TBC1D2: variants seen among roughly 807,000 people sequenced by gnomAD.
TBC1D2 encodes the protein TBC1 domain family member 2A.
TBC1D2 carries 58 observed loss-of-function variants against 91.1 expected under a neutral mutation model. The observed-to-expected ratio is 0.64, with a 90% CI of 0.52 to 0.79. The LOEUF (loss-of-function observed/expected upper bound fraction) is 0.79. TBC1D2 is among the 30% of genes least tolerant of loss of function. TBC1D2 has a pLI of 0.00. For missense variants in TBC1D2, 1,080 were observed against 1,208.3 expected, an observed-to-expected ratio of 0.89 and a Z score of 1.57; for synonymous variants, 482 against 511.5, an observed-to-expected ratio of 0.94 and a Z score of 0.78.
intron 3 of TBC1D2, among the ~76,000 whole-genome samples, chr9:98,242,167 C>T (rs753503579): frequency 2.0e-5 from 3 of 152,084 alleles, no homozygotes; most frequent in Non-Finnish European, 4.4e-5. Flanking sequence ...CCAGGCTGGG[C>T]GTGGTGGCTC....
In TBC1D2 at chr9:98,213,374, A is replaced by G. The variant is rs911075333; in HGVS notation, c.1375-156T>C. 6.2e-6 allele frequency: 9 copies of G among 1,449,834 alleles called. No homozygotes were observed. The African/African-American group carries it at 1.0e-4, about 16-fold the overall frequency. 89.8% of individuals were successfully genotyped at this position (1,449,834 alleles called of 1,614,324 possible). A position where few individuals can be genotyped will look rare whatever the true frequency, so the allele number is the denominator to read the frequency against. On this transcript the variant is annotated intron_variant, in intron 6 of 12. Transcript: ENST00000465784. ...AGTCTGAAAGAAAAATAAAATACTC[A>G]TAGCACCCTTCTCTATTCTTGATGT... is the stretch of plus-strand genomic sequence containing the variant.
chr9:98,228,599 C>T lies in TBC1D2; in HGVS notation c.978+353G>A, dbSNP rs1829289968. The stretch of plus-strand genomic sequence containing the variant: ...TGCCAGGTCAAAGTTCCCCCCAGTT[C>T]TATCGACAGCCCCTCCCATGACCCT... On this transcript the variant is annotated intron_variant, in intron 5 of 12. Transcript: ENST00000465784. The surrounding 1 kb of genome is among the most constrained non-coding windows in gnomAD (Gnocchi z 4.0). Among the ~76,000 whole-genome samples the T allele has an allele frequency of 6.6e-6, 1 of 152,172 alleles. No homozygotes were observed. The highest frequency in any genetic ancestry group is 1.5e-5 in the Non-Finnish European group (1 of 68,032).
At chr9:98,241,105 A>G (rs549431221) in intron 3 of TBC1D2, among the ~76,000 whole-genome samples, 4 of 152,312 alleles carry the variant, frequency 2.6e-5, no homozygotes, top group South Asian at 2.1e-4. Flanking sequence ...GTGAAACACT[A>G]TGATGCATTC....
In TBC1D2 at chr9:98,228,627, A is replaced by G. The variant is rs1442467959; in HGVS notation, c.978+325T>C. On this transcript the variant is annotated intron_variant, in intron 5 of 12. Coordinates refer to ENST00000465784, the MANE Select transcript of TBC1D2 (RefSeq NM_001267571.2). This position sits in a 1 kb window ranked among gnomAD's most constrained non-coding sequence, Gnocchi z 4.0. ...TCGACAGCCCCTCCCATGACCCTGC[A>G]TCCAGATCACCTGCCTCTAAATAAT... Among the ~76,000 whole-genome samples the G allele has an allele frequency of 6.6e-6, 1 of 152,106 alleles. No homozygotes were observed. Among genetic ancestry groups the G allele is most frequent in the African/African-American group, 2.4e-5 (1 of 41,424 alleles).
Position 98,210,802 on chromosome 9 carries a change from C to G in TBC1D2, c.1527G>C (p.Lys509Asn). Reference protein sequence around the residue: ...LQARNCQVESKYLAGLRRLQE... With the variant: ...LQARNCQVESNYLAGLRRLQE... ...GCAGCCTTCTCAGACCGGCCAGGTA[C>G]TTGCTTTCCACCTGGCAGTTTCTGG... The change falls in exon 8 of 13, where the codon AAG becomes AAC. Residue 509 changes from lysine to asparagine, a missense_variant. Lys to Asn is a moderately conservative substitution (Grantham distance 94). Transcript: ENST00000465784. 1 of 1,553,298 alleles carries G rather than the reference C, an allele frequency of 6.4e-7. No homozygotes were observed. Among genetic ancestry groups the G allele is most frequent in the Non-Finnish European group, 8.7e-7 (1 of 1,147,868 alleles).
intron 6 of TBC1D2, among the ~76,000 whole-genome samples, chr9:98,216,376 C>G (rs1380096704): frequency 6.6e-6 from 1 of 152,168 alleles, no homozygotes; most frequent in East Asian, 1.9e-4. Context: ...ACAACAAGCC[C>G]CCCCGCAAGG....
intron 8 of TBC1D2, among the ~76,000 whole-genome samples, chr9:98,209,827 C>T (rs928357118): frequency 7.0e-6 from 1 of 142,048 alleles, no homozygotes; most frequent in African/African-American, 2.7e-5. Flanking sequence ...TCCCTTCCCC[C>T]CTTCCTTTCT....
In TBC1D2 at chr9:98,221,253, T is replaced by C. The variant is rs1456464327; in HGVS notation, c.979-25A>G. 5 of 1,513,612 alleles carry C rather than the reference T, an allele frequency of 3.3e-6. No homozygotes were observed. In the Admixed American group the frequency reaches 1.0e-4, roughly 31 times the overall value. 93.8% of individuals were successfully genotyped at this position (1,513,612 alleles called of 1,614,324 possible). A position where few individuals can be genotyped will look rare whatever the true frequency, so the allele number is the denominator to read the frequency against. On this transcript the variant is annotated intron_variant, in intron 5 of 12. Coordinates refer to ENST00000465784, the MANE Select transcript of TBC1D2 (RefSeq NM_001267571.2). ...CCTGGGCAGGGAGAGGGAAGAATCT[T>C]GTGAGCTCAGGGAGGGCCTGCTGGG...
intron 9 of TBC1D2, among the ~76,000 whole-genome samples, chr9:98,203,618 G>A (rs1275680472): frequency 6.6e-6 from 1 of 152,168 alleles, no homozygotes; most frequent in East Asian, 1.9e-4. Flanking sequence ...CCAGAGCAAT[G>A]GGGGTCACTT....
chr9:98,243,697 C>T (rs536299007), intron 3 of TBC1D2, among the ~76,000 whole-genome samples: 7 of 152,082 alleles, frequency 4.6e-5, no homozygotes, highest in South Asian at 2.1e-4. Context: ...CCACCATGCC[C>T]GGCTAATTAC....
rs187724827 is a variant in TBC1D2, at chr9:98,240,531, T to C, written c.647+3463A>G. Among the ~76,000 whole-genome samples the C allele has an allele frequency of 1.9e-4, 29 of 152,294 alleles. No homozygotes were observed. The East Asian group carries it at 5.2e-3, about 27-fold the overall frequency. ...ATGCTGGGTCCTGTGCTGAGCCCTG[T>C]TACATGGATTTCACAAACCACAAGT... On this transcript the variant is annotated intron_variant, in intron 3 of 12. Coordinates refer to ENST00000465784, the MANE Select transcript of TBC1D2 (RefSeq NM_001267571.2).
chr9:98,219,724 T>C lies in TBC1D2; in HGVS notation c.1374+1109A>G, dbSNP rs918590525. On this transcript the variant is annotated intron_variant, in intron 6 of 12. Transcript: ENST00000465784. ...GAAAAGGTAGCATGTTGTGCTATGA[T>C]GTTATGACGGCTATGATGTCACTAT... is the stretch of plus-strand genomic sequence containing the variant. Among the ~76,000 whole-genome samples the C allele has an allele frequency of 2.0e-5, 3 of 152,370 alleles. No homozygotes were observed. In the South Asian group the frequency reaches 6.2e-4, roughly 32 times the overall value.
chr9:98,222,743 G>A (rs1215588790), intron 5 of TBC1D2, among the ~76,000 whole-genome samples: 1 of 152,206 alleles, frequency 6.6e-6, no homozygotes, highest in Admixed American at 6.5e-5. Context: ...GGAAAAACAT[G>A]GTTTCCTAGA....
At chr9:98,211,430 T>C (rs1241027372) in intron 7 of TBC1D2, among the ~76,000 whole-genome samples, 2 of 152,022 alleles carry the variant, frequency 1.3e-5, no homozygotes, top group African/African-American at 2.4e-5. Context: ...TGCACCCTCT[T>C]CCCTTGCTTG....
At chr9:98,236,287 G>A (rs1411129016) in intron 3 of TBC1D2, among the ~76,000 whole-genome samples, 4 of 151,936 alleles carry the variant, frequency 2.6e-5, no homozygotes, top group South Asian at 2.1e-4. Flanking sequence ...GCAATGGCAC[G>A]ATCTCGGCTC....
chr9:98,247,494 G>A (rs916010816), intron 2 of TBC1D2, among the ~76,000 whole-genome samples: 4 of 152,044 alleles, frequency 2.6e-5, no homozygotes, highest in South Asian at 2.1e-4. Flanking sequence ...TTTGGGAGGC[G>A]GAGGTGGGTG....
chr9:98,204,497 C>T (rs566331796), intron 9 of TBC1D2, among the ~76,000 whole-genome samples: 4 of 152,300 alleles, frequency 2.6e-5, no homozygotes, highest in African/African-American at 7.2e-5. Flanking sequence ...GCCTCTGACT[C>T]TCTGGTCATA....
chr9:98,208,282 G>A lies in TBC1D2; in HGVS notation c.2150+386C>T, dbSNP rs767132329. ...GGAGGCTCCAAAGAGAGACAGCAGT[G>A]CTCTAAAACAACGGTCCCCAACCTT... is the stretch of plus-strand genomic sequence containing the variant. On this transcript the variant is annotated intron_variant, in intron 9 of 12. Transcript: ENST00000465784. Among the ~76,000 whole-genome samples, 4 of 152,234 alleles carry A rather than the reference G, an allele frequency of 2.6e-5. No homozygotes were observed. The South Asian group carries it at 6.2e-4, about 24-fold the overall frequency.
intron 8 of TBC1D2, among the ~76,000 whole-genome samples, chr9:98,209,444 A>G (rs1033557635): frequency 4.6e-5 from 7 of 152,160 alleles, no homozygotes; most frequent in African/African-American, 1.4e-4. Flanking sequence ...AATTCTATGC[A>G]AATATAAAGG....
Sources: allele counts gnomAD v4.1 joint callset (sites outside exome capture counted in the v4.1 genomes callset), GRCh38; gene constraint gnomAD v4.1.1; non-coding constraint Gnocchi (gnomAD v3.1); transcripts MANE v1.5; gene names NCBI Gene and HGNC (gene_info 2026-07-23, HGNC 2026-07-21).